RCHY1: variants seen among roughly 807,000 people sequenced by gnomAD.
RCHY1 encodes the protein ring finger and CHY zinc finger domain containing 1, also known as RING finger and CHY zinc finger domain-containing protein 1.
A neutral mutation model predicts 41.6 loss-of-function variants in RCHY1; 21 were observed. The observed-to-expected ratio is 0.51, with a 90% CI of 0.36 to 0.73. The LOEUF (loss-of-function observed/expected upper bound fraction) is 0.73. Among genes scored for constraint, RCHY1 ranks in the 30% least tolerant of loss-of-function variants. RCHY1 has a pLI of 0.00. For synonymous variants in RCHY1, 79 were observed against 102.9 expected, an observed-to-expected ratio of 0.77 and a Z score of 1.41; for missense variants, 265 against 325.3, an observed-to-expected ratio of 0.81 and a Z score of 1.43.
intron 8 of RCHY1, among the ~76,000 whole-genome samples, chr4:75,484,797 A>C (rs1721845128): frequency 6.6e-6 from 1 of 152,120 alleles, no homozygotes; most frequent in Non-Finnish European, 1.5e-5. Context: ...ATTATAATGG[A>C]ACGTCCCAAA....
chr4:75,499,342 C>T (rs958236073), intron 3 of RCHY1, among the ~76,000 whole-genome samples: 1 of 152,128 alleles, frequency 6.6e-6, no homozygotes, highest in Non-Finnish European at 1.5e-5. Flanking sequence ...TAAATTAATA[C>T]AGCCACTGTG....
At chr4:75,489,807 T>A (rs1225035514) in intron 8 of RCHY1, among the ~76,000 whole-genome samples, 7 of 152,176 alleles carry the variant, frequency 4.6e-5, no homozygotes, top group African/African-American at 1.7e-4. Context: ...ATCTGGAGAC[T>A]GGGTCTCTGA....
intron 3 of RCHY1, among the ~76,000 whole-genome samples, chr4:75,507,491 C>T (rs527456510): frequency 1.1e-4 from 17 of 152,026 alleles, no homozygotes; most frequent in African/African-American, 3.6e-4. Context: ...GATTGAAACA[C>T]GAACATATCC....
At chr4:75,509,114 A>C (rs1724616198) in intron 2 of RCHY1, 63 bp downstream of exon 2, 1 of 1,474,542 alleles carries the variant, frequency 6.8e-7, no homozygotes. Flanking sequence ...CTTTTGATTA[A>C]ATTTTTTCAA....
rs1412811072 is a variant in RCHY1 at position 75,494,369 on chromosome 4, C to T, written c.327-190G>A. ...CACTATACACAGAGTGGTATCTACC[C>T]TTCTAGGGCTTTTTTTTCTTTTTCT... On this transcript the variant is annotated intron_variant, in intron 3 of 8. Transcript: ENST00000324439. The T allele has an allele frequency of 1.1e-5, 5 of 470,550 alleles. 1 individual carries two copies. The highest frequency in any genetic ancestry group is 7.7e-5 in the South Asian group (2 of 26,136). 29.1% of individuals were successfully genotyped at this position (470,550 alleles called of 1,614,324 possible).
At chr4:75,509,671 G>A in intron 1 of RCHY1, 1 of 177,152 alleles carries the variant, frequency 5.6e-6, no homozygotes, top group South Asian at 1.3e-4. Context: ...CTTAGAAGGA[G>A]GTAACTGAAT....
At chr4:75,500,033 C>A (rs1723602729) in intron 3 of RCHY1, among the ~76,000 whole-genome samples, 1 of 152,072 alleles carries the variant, frequency 6.6e-6, no homozygotes, top group African/African-American at 2.4e-5. Context: ...CCCAGCTACC[C>A]AGGAGGCTGA....
intron 8 of RCHY1, among the ~76,000 whole-genome samples, chr4:75,486,652 T>C (rs1299774620): frequency 6.6e-6 from 1 of 152,020 alleles, no homozygotes; most frequent in Non-Finnish European, 1.5e-5. Flanking sequence ...CAATTCCCTA[T>C]AAGGAGTGTA....
chr4:75,498,481 C>CAAA (rs57789217), intron 3 of RCHY1, among the ~76,000 whole-genome samples: 8 of 68,752 alleles, frequency 1.2e-4, no homozygotes, highest in Admixed American at 3.0e-4. Flanking sequence ...CAATCCTGAG[C>CAAA]AAAAAAAAAA....
In RCHY1 at chr4:75,509,013, C is replaced by A; in HGVS notation, c.211-78G>T. On this transcript the variant is annotated intron_variant, in intron 2 of 8. Coordinates refer to ENST00000324439, the MANE Select transcript of RCHY1 (RefSeq NM_015436.4). ...CATTTGAATATCTAGAACTTATGTT[C>A]AACTATATGCAGTTTATTTTTATAA... The A allele has an allele frequency of 2.6e-6, 3 of 1,167,078 alleles. No homozygotes were observed. In the South Asian group the frequency reaches 4.5e-5, roughly 17 times the overall value. 72.3% of individuals were successfully genotyped at this position (1,167,078 alleles called of 1,614,324 possible). A position where few individuals can be genotyped will look rare whatever the true frequency, so the allele number is the denominator to read the frequency against.
intron 7 of RCHY1, 33 bp from the exon 8 acceptor site, chr4:75,490,734 T>A: frequency 6.5e-7 from 1 of 1,549,682 alleles, no homozygotes; most frequent in Non-Finnish European, 8.9e-7. Context: ...TTTCCAAATA[T>A]TAAACAAGAA....
chr4:75,511,240 T>C (rs1234604236), intron 1 of RCHY1, among the ~76,000 whole-genome samples: 2 of 152,194 alleles, frequency 1.3e-5, no homozygotes, highest in Non-Finnish European at 2.9e-5. Context: ...AAAAATCATA[T>C]TCATTAAAAG....
At chr4:75,487,150 G>A (rs1722090191) in intron 8 of RCHY1, among the ~76,000 whole-genome samples, 1 of 151,902 alleles carries the variant, frequency 6.6e-6, no homozygotes. Context: ...CAGATTGGAT[G>A]GATTTGTTTA....
intron 8 of RCHY1, among the ~76,000 whole-genome samples, chr4:75,483,597 A>G (rs1721722024): frequency 6.6e-6 from 1 of 152,188 alleles, no homozygotes; most frequent in Non-Finnish European, 1.5e-5. Context: ...TGTGAATTGT[A>G]TCTTAATGAA....
chr4:75,505,740 A>G (rs1299716894), intron 3 of RCHY1, among the ~76,000 whole-genome samples: 2 of 152,228 alleles, frequency 1.3e-5, no homozygotes, highest in African/African-American at 2.4e-5. Flanking sequence ...GAGAACTAGA[A>G]AAACTCAATT....
chr4:75,499,527 C>T (rs1210941234), intron 3 of RCHY1, among the ~76,000 whole-genome samples: 1 of 152,142 alleles, frequency 6.6e-6, no homozygotes, highest in Non-Finnish European at 1.5e-5. Context: ...CCTTAGTGTC[C>T]ATCAGTGGAT....
intron 1 of RCHY1, among the ~76,000 whole-genome samples, chr4:75,513,588 T>C (rs568885534): frequency 2.6e-5 from 4 of 152,300 alleles, no homozygotes; most frequent in African/African-American, 7.2e-5. Flanking sequence ...GAAACTTCAA[T>C]TGAATACGTG....
chr4:75,487,512 T>C (rs539807258), intron 8 of RCHY1, among the ~76,000 whole-genome samples: 1 of 130,604 alleles, frequency 7.7e-6, no homozygotes, highest in Non-Finnish European at 1.6e-5. Flanking sequence ...TATATATTCA[T>C]AATATATATA....
At chr4:75,486,340 A>C (rs924862315) in intron 8 of RCHY1, among the ~76,000 whole-genome samples, 3 of 152,198 alleles carry the variant, frequency 2.0e-5, no homozygotes, top group Non-Finnish European at 4.4e-5. Context: ...GTTTAAGTAA[A>C]TAATCATAAA....
Sources: allele counts gnomAD v4.1 joint callset (sites outside exome capture counted in the v4.1 genomes callset), GRCh38; gene constraint gnomAD v4.1.1; transcripts MANE v1.5; gene names NCBI Gene and HGNC (gene_info 2026-07-23, HGNC 2026-07-21).